The following PHACTR1 variants were observed in gnomAD, a reference collection of about 807,000 sequenced individuals.
The protein encoded by PHACTR1 is phosphatase and actin regulator 1.
Under a neutral mutation model 69.2 loss-of-function variants are expected in PHACTR1, and 16 were observed. The observed-to-expected ratio is 0.23, with a 90% CI of 0.16 to 0.35. The LOEUF is 0.35. Among genes scored for constraint, PHACTR1 ranks in the 10% least tolerant of loss-of-function variants. The probability of loss-of-function intolerance (pLI) is 1.00; values close to 1 mark genes in which losing one functional copy is unlikely to be tolerated. For synonymous variants in PHACTR1, 312 were observed against 284.5 expected, an observed-to-expected ratio of 1.10 and a Z score of -0.97; for missense variants, 510 against 734.7, an observed-to-expected ratio of 0.69 and a Z score of 3.54.
At chr6:12,868,156 C>G (rs1781650422) in intron 4 of PHACTR1, among the ~76,000 whole-genome samples, 1 of 151,386 alleles carries the variant, frequency 6.6e-6, no homozygotes, top group African/African-American at 2.4e-5. Context: ...ACTCAGGAGG[C>G]TGAAGCAGGA....
At chr6:12,793,232 T>C (rs1205953529) in intron 4 of PHACTR1, among the ~76,000 whole-genome samples, 1 of 152,202 alleles carries the variant, frequency 6.6e-6, no homozygotes, top group Non-Finnish European at 1.5e-5. Context: ...TATGCGAGAG[T>C]TGGCAACCCC....
At chr6:12,907,678 A>G (rs575172524) in intron 4 of PHACTR1, among the ~76,000 whole-genome samples, 2 of 152,346 alleles carry the variant, frequency 1.3e-5, no homozygotes, top group African/African-American at 4.8e-5. Flanking sequence ...CTAATTCAGG[A>G]TATTAGAAGA....
intron 4 of PHACTR1, among the ~76,000 whole-genome samples, chr6:12,942,098 T>C (rs1188302974): frequency 2.0e-5 from 3 of 152,156 alleles, no homozygotes; most frequent in Admixed American, 6.5e-5. Context: ...CCTACATTCA[T>C]TGACATTGAG....
At chr6:12,997,759 C>G (rs916637992) in intron 4 of PHACTR1, among the ~76,000 whole-genome samples, 2 of 152,086 alleles carry the variant, frequency 1.3e-5, no homozygotes, top group African/African-American at 4.8e-5. Flanking sequence ...TGGAGACCAT[C>G]CTGGCTAATA....
intron 4 of PHACTR1, among the ~76,000 whole-genome samples, chr6:12,910,058 C>T (rs1786209282): frequency 6.6e-6 from 1 of 152,204 alleles, no homozygotes; most frequent in Admixed American, 6.5e-5. Flanking sequence ...CTTGGCTCAG[C>T]TCCTTTATAT....
intron 5 of PHACTR1, among the ~76,000 whole-genome samples, chr6:13,101,510 G>A (rs1443607199): frequency 2.6e-5 from 4 of 152,190 alleles, no homozygotes; most frequent in Non-Finnish European, 5.9e-5. Flanking sequence ...AGGAGCAGCT[G>A]ACTCACGTGA....
chr6:13,161,492 A>G (rs1561921655), intron 6 of PHACTR1, among the ~76,000 whole-genome samples: 1 of 151,978 alleles, frequency 6.6e-6, no homozygotes, highest in African/African-American at 2.4e-5. Context: ...TGATTGTTTC[A>G]TGCAGGTGTT....
chr6:12,775,260 A>C (rs1157673970), intron 4 of PHACTR1, among the ~76,000 whole-genome samples: 1 of 150,854 alleles, frequency 6.6e-6, no homozygotes, highest in South Asian at 2.1e-4. Context: ...TCAATGTTCT[A>C]CTCTCAAAAA....
intron 4 of PHACTR1, among the ~76,000 whole-genome samples, chr6:13,001,250 T>G (rs763696313): frequency 1.3e-5 from 2 of 152,250 alleles, no homozygotes; most frequent in Non-Finnish European, 2.9e-5. Context: ...TAATTCATTT[T>G]CTAAAGAATG....
chr6:13,139,396 C>G (rs1397019306), intron 5 of PHACTR1, among the ~76,000 whole-genome samples: 2 of 152,096 alleles, frequency 1.3e-5, no homozygotes, highest in African/African-American at 4.8e-5. Flanking sequence ...CTGTTTGGTC[C>G]TCTTCACAAA....
intron 5 of PHACTR1, among the ~76,000 whole-genome samples, chr6:13,114,742 A>C (rs953612557): frequency 1.4e-4 from 21 of 152,208 alleles, no homozygotes; most frequent in African/African-American, 4.6e-4. Context: ...ATACAGCTCA[A>C]CAGCATACAC....
chr6:13,012,767 G>C (rs537449261), intron 4 of PHACTR1, among the ~76,000 whole-genome samples: 1 of 152,332 alleles, frequency 6.6e-6, no homozygotes, highest in South Asian at 2.1e-4. Context: ...TCGGACTGGC[G>C]ATATCTGAGT....
At chr6:12,885,627 T>A (rs1416257632) in intron 4 of PHACTR1, among the ~76,000 whole-genome samples, 1 of 152,232 alleles carries the variant, frequency 6.6e-6, no homozygotes, top group East Asian at 1.9e-4. Context: ...AGGATTATAG[T>A]TTGAAAGTAT....
chr6:12,752,699 A>C (rs1234734861), intron 4 of PHACTR1, among the ~76,000 whole-genome samples: 1 of 152,154 alleles, frequency 6.6e-6, no homozygotes, highest in Non-Finnish European at 1.5e-5. Context: ...ACACTTAAGG[A>C]TTTTTCAACT....
chr6:13,019,193 G>A (rs995696430), intron 4 of PHACTR1, among the ~76,000 whole-genome samples: 2 of 151,862 alleles, frequency 1.3e-5, no homozygotes, highest in Non-Finnish European at 2.9e-5. Context: ...GATTACAAGC[G>A]TGAGCCGCAG....
chr6:12,726,409 G>A (rs891805396), intron 3 of PHACTR1, among the ~76,000 whole-genome samples: 5 of 152,206 alleles, frequency 3.3e-5, no homozygotes, highest in Admixed American at 2.6e-4. Context: ...GCTGCACCTT[G>A]AGATCCCCTT....
chr6:12,815,900 G>T (rs906854107), intron 4 of PHACTR1, among the ~76,000 whole-genome samples: 1 of 152,160 alleles, frequency 6.6e-6, no homozygotes. Flanking sequence ...AACAAGGCAG[G>T]TTGCTGTGGG....
At chr6:13,215,699 C>T (rs1019807069) in intron 8 of PHACTR1, among the ~76,000 whole-genome samples, 5 of 152,132 alleles carry the variant, frequency 3.3e-5, no homozygotes, top group Non-Finnish European at 7.3e-5. Context: ...AAAGAAAAAC[C>T]ATACAGGTCG....
At chr6:13,177,632 G>T (rs1761569248) in intron 6 of PHACTR1, among the ~76,000 whole-genome samples, 1 of 152,204 alleles carries the variant, frequency 6.6e-6, no homozygotes, top group Non-Finnish European at 1.5e-5. Flanking sequence ...AACAGAAGTT[G>T]ATATTGATCA....
Sources: gnomAD v4.1 joint callset for allele counts (sites outside exome capture counted in the v4.1 genomes callset) on GRCh38, gnomAD v4.1.1 for gene constraint, MANE v1.5 for transcripts, NCBI Gene and HGNC (gene_info 2026-07-23, HGNC 2026-07-21) for gene names.